Variants in NSD3 observed in about 807,000 individuals in gnomAD.
NSD3 encodes nuclear receptor binding SET domain protein 3.
A neutral mutation model predicts 160.8 loss-of-function variants in NSD3; 24 were observed. The ratio of observed to expected loss-of-function variants is 0.15; its 90% confidence interval spans 0.11 to 0.21. The LOEUF is 0.21. NSD3 is among the 10% of genes least tolerant of loss of function. The pLI is 1.00. For synonymous variants in NSD3, 520 were observed against 600.0 expected (o/e 0.87, Z 1.95); for missense variants, 1,157 against 1,735.9 (o/e 0.67, Z 5.93).
Position 38,321,004 on chromosome 8 carries a change from A to T in NSD3, c.1809+68T>A. 1 of 1,444,356 alleles carries T rather than the reference A, an allele frequency of 6.9e-7. No individual in the cohort carries two copies. Among genetic ancestry groups the T allele is most frequent in the Non-Finnish European group, 9.7e-7 (1 of 1,034,112 alleles). 89.5% of individuals were successfully genotyped at this position (1,444,356 alleles called of 1,614,324 possible). ...GTGGGGGAAAGTTTCTCTTTCTTTT[A>T]AGACAGGAATGTAAGCCACAACATT... is the stretch of plus-strand genomic sequence containing the variant. On this transcript the variant is annotated intron_variant, in intron 8 of 23. Transcript: ENST00000317025. The surrounding 1 kb of genome is among the most constrained non-coding windows in gnomAD (Gnocchi z 4.7).
chr8:38,313,701 T>C (rs1193012761), intron 12 of NSD3, among the ~76,000 whole-genome samples: 1 of 149,394 alleles, frequency 6.7e-6, no homozygotes, highest in African/African-American at 2.5e-5. Context: ...GGCAGGAGAA[T>C]GGCGTGAACC....
At position 38,349,690 on chromosome 8, in the gene NSD3, TA is replaced by T. The variant is rs1444181822; in HGVS notation, c.-44-1476del. ...TTATATATATATATATATATATATATATGTATTTATTATACTTTAAGTTCTA... is the reference window on the plus strand; with the variant it reads ...TTATATATATATATATATATATATATTGTATTTATTATACTTTAAGTTCTA... On this transcript the variant is annotated intron_variant, in intron 1 of 23. Transcript: ENST00000317025. Among the ~76,000 whole-genome samples, 600 of 93,806 alleles carry T rather than the reference TA, an allele frequency of 6.4e-3. 18 individuals carry two copies. Among genetic ancestry groups the T allele is most frequent in the African/African-American group, 0.022 (578 of 26,614 alleles). The allele number at this position is 93,806 out of a possible 152,430, so 61.5% of individuals were successfully genotyped here. A position where few individuals can be genotyped will look rare whatever the true frequency, so the allele number is the denominator to read the frequency against.
chr8:38,311,514 T>C (rs1809536098), intron 12 of NSD3, among the ~76,000 whole-genome samples: 1 of 152,064 alleles, frequency 6.6e-6, no homozygotes, highest in Admixed American at 6.6e-5. Flanking sequence ...TTAGTAGAGA[T>C]GAGGTTTCTC....
chr8:38,348,978 A>G (rs560592448), intron 1 of NSD3, among the ~76,000 whole-genome samples: 2 of 152,118 alleles, frequency 1.3e-5, no homozygotes, highest in African/African-American at 4.8e-5. Context: ...TTTAAACACC[A>G]AAGTGAAAAG....
chr8:38,331,812 A>G (rs1810067548), intron 4 of NSD3, among the ~76,000 whole-genome samples: 1 of 152,176 alleles, frequency 6.6e-6, no homozygotes, highest in Non-Finnish European at 1.5e-5. Context: ...TGGGTGACAG[A>G]GCAAGACTCT....
intron 14 of NSD3, among the ~76,000 whole-genome samples, chr8:38,300,571 G>C (rs1188997095): frequency 6.6e-6 from 1 of 152,104 alleles, no homozygotes; most frequent in East Asian, 1.9e-4. Context: ...ACCAACTTAA[G>C]CGTTAATAAA....
chr8:38,334,137 GTCAGAAAA>G (rs1363188040), intron 4 of NSD3, among the ~76,000 whole-genome samples: 2 of 152,178 alleles, frequency 1.3e-5, no homozygotes, highest in Admixed American at 6.5e-5. Context: ...CAGAAAAACT[GTCAGAAAA>G]CTACTGCATT....
At chr8:38,279,731 G>T in intron 20 of NSD3, 50 bp from the exon 21 acceptor site, 1 of 1,574,974 alleles carries the variant, frequency 6.3e-7, no homozygotes. Context: ...GTCTCTCCCA[G>T]AAACATCCAA....
chr8:38,327,431 T>C (rs1447696068), intron 6 of NSD3, among the ~76,000 whole-genome samples: 2 of 152,110 alleles, frequency 1.3e-5, no homozygotes, highest in Non-Finnish European at 2.9e-5. Context: ...CTTGGCTCAC[T>C]GCAACCTCTG....
intron 19 of NSD3, among the ~76,000 whole-genome samples, chr8:38,282,148 G>C (rs965463556): frequency 6.6e-6 from 1 of 152,158 alleles, no homozygotes; most frequent in Non-Finnish European, 1.5e-5. Context: ...ACTTTACTCA[G>C]ATTTTACCAA....
At chr8:38,276,183 G>C in intron 23 of NSD3, 113 bp downstream of exon 23, 2 of 1,227,192 alleles carry the variant, frequency 1.6e-6, no homozygotes, top group South Asian at 3.0e-5. Flanking sequence ...GTAATTTTTC[G>C]CTATTGTTTG....
At chr8:38,310,338 A>G (rs929686365) in intron 12 of NSD3, among the ~76,000 whole-genome samples, 69 of 152,352 alleles carry the variant, frequency 4.5e-4, no homozygotes, top group South Asian at 6.2e-4. Context: ...AGGTTCATCC[A>G]TGTTATGACA....
intron 4 of NSD3, among the ~76,000 whole-genome samples, chr8:38,336,637 A>T (rs969723990): frequency 6.6e-6 from 1 of 152,216 alleles, no homozygotes; most frequent in Non-Finnish European, 1.5e-5. Context: ...GCAAATGCTT[A>T]TTAAGTTCAT....
rs1026243772 is a variant in NSD3, at chr8:38,319,821, A to G, written c.1810-881T>C. The G allele has an allele frequency of 2.0e-5, 3 of 152,216 alleles. No individual in the cohort carries two copies. The highest frequency in any genetic ancestry group is 2.1e-4 in the South Asian group (1 of 4,834). The allele number at this position is 152,216 out of a possible 1,614,324, so 9.4% of individuals were successfully genotyped here. A position where few individuals can be genotyped will look rare whatever the true frequency, so the allele number is the denominator to read the frequency against. On this transcript the variant is annotated intron_variant, in intron 8 of 23. Transcript: ENST00000317025. This position sits in a 1 kb window ranked among gnomAD's most constrained non-coding sequence, Gnocchi z 4.1. ...AAAAACATACAACAGAAACGCTTTTATAAGATACAATTAGTAATACAAATA... is the reference window on the plus strand; with the variant it reads ...AAAAACATACAACAGAAACGCTTTTGTAAGATACAATTAGTAATACAAATA...
intron 4 of NSD3, among the ~76,000 whole-genome samples, chr8:38,334,221 A>T (rs991290866): frequency 6.6e-6 from 1 of 152,240 alleles, no homozygotes; most frequent in Non-Finnish European, 1.5e-5. Context: ...AAGCACTGAT[A>T]CCATGTTAAA....
At chr8:38,320,908 G>T in intron 8 of NSD3, 164 bp downstream of exon 8, 1 of 505,958 alleles carries the variant, frequency 2.0e-6, no homozygotes, top group South Asian at 3.9e-5. Flanking sequence ...CACAGGGATG[G>T]CTGTATTAAA....
intron 14 of NSD3, chr8:38,303,292 C>G (rs1218136683): frequency 1.0e-6 from 1 of 985,376 alleles, no homozygotes; most frequent in Middle Eastern, 5.2e-4. Context: ...ATGAGTGACA[C>G]CTTTTTATTT....
intron 1 of NSD3, among the ~76,000 whole-genome samples, chr8:38,360,676 G>A (rs1241725262): frequency 6.6e-6 from 1 of 152,068 alleles, no homozygotes; most frequent in African/African-American, 2.4e-5. Context: ...TGACTTAAAG[G>A]TACTTTCCAT....
At chr8:38,377,339 C>T (rs1811419043) in intron 1 of NSD3, among the ~76,000 whole-genome samples, 1 of 151,846 alleles carries the variant, frequency 6.6e-6, no homozygotes, top group African/African-American at 2.4e-5. Context: ...CAGACGTGAG[C>T]CACCATGCCT....
Sources: gnomAD v4.1 joint callset for allele counts (sites outside exome capture counted in the v4.1 genomes callset) on GRCh38, gnomAD v4.1.1 for gene constraint, Gnocchi (gnomAD v3.1) non-coding constraint, MANE v1.5 for transcripts, NCBI Gene and HGNC (gene_info 2026-07-23, HGNC 2026-07-21) for gene names.